Variants in SNTG2 observed in about 807,000 individuals in gnomAD.
SNTG2 encodes syntrophin gamma 2.
In SNTG2, 74 loss-of-function variants were observed where a neutral mutation model predicts 70.9. The ratio of observed to expected loss-of-function variants is 1.04; its 90% CI spans 0.86 to 1.27. SNTG2 has a LOEUF of 1.27. SNTG2 is among the 50% of genes most tolerant of loss of function. SNTG2 has a pLI of 0.00. For missense variants in SNTG2, 717 were observed against 690.7 expected (o/e 1.04, Z -0.43); for synonymous variants, 278 against 273.8 (o/e 1.02, Z -0.15).
intron 4 of SNTG2, among the ~76,000 whole-genome samples, chr2:1,135,445 C>T (rs1487413097): frequency 1.3e-5 from 2 of 152,176 alleles, no homozygotes; most frequent in Non-Finnish European, 2.9e-5. Flanking sequence ...CTCGGCCAGG[C>T]GTGGTGGCTC....
chr2:979,245 T>C (rs1004891179), intron 1 of SNTG2, among the ~76,000 whole-genome samples: 4 of 152,212 alleles, frequency 2.6e-5, no homozygotes, highest in African/African-American at 7.2e-5. Context: ...AATACATCTA[T>C]AGTGGCTGCT....
chr2:1,240,286 A>G (rs1019239872), intron 11 of SNTG2, among the ~76,000 whole-genome samples: 4 of 152,162 alleles, frequency 2.6e-5, no homozygotes, highest in Admixed American at 6.5e-5. Flanking sequence ...CAGAGCCCTT[A>G]ACGTTGTCCT....
At chr2:1,219,771 G>A (rs930495338) in intron 9 of SNTG2, 4 of 152,076 alleles carry the variant, frequency 2.6e-5, no homozygotes, top group African/African-American at 9.7e-5. Context: ...AAGGGAGGAA[G>A]AGAGAAAACC....
chr2:1,278,364 G>C (rs888892330), intron 14 of SNTG2, among the ~76,000 whole-genome samples: 1 of 152,066 alleles, frequency 6.6e-6, no homozygotes, highest in African/African-American at 2.4e-5. Flanking sequence ...GTTGTTATCT[G>C]ACCATATCAG....
intron 1 of SNTG2, among the ~76,000 whole-genome samples, chr2:1,030,494 G>T (rs1660754958): frequency 6.6e-6 from 1 of 152,122 alleles, no homozygotes; most frequent in Non-Finnish European, 1.5e-5. Flanking sequence ...CACATGTGCA[G>T]CTGTGATTAA....
chr2:1,100,716 TC>T (rs1357337637), intron 4 of SNTG2, among the ~76,000 whole-genome samples: 1 of 152,174 alleles, frequency 6.6e-6, no homozygotes, highest in Non-Finnish European at 1.5e-5. Context: ...GCAGCTCTGT[TC>T]CTGTCCTCTT....
intron 1 of SNTG2, among the ~76,000 whole-genome samples, chr2:1,014,926 G>A (rs1394762023): frequency 6.6e-6 from 1 of 152,096 alleles, no homozygotes; most frequent in Non-Finnish European, 1.5e-5. Flanking sequence ...GAACTGGCTA[G>A]AACCCGAGGG....
rs28528355 is a variant in SNTG2 at position 1,226,602 on chromosome 2, C to T, written c.720-11286C>T. ...ACACCAAGGCTCACACCGAGAGAAACGTGGGACCCAGCTTGTGAAGGACAC... is the reference window on the plus strand; with the variant it reads ...ACACCAAGGCTCACACCGAGAGAAATGTGGGACCCAGCTTGTGAAGGACAC... On this transcript the variant is annotated intron_variant, in intron 9 of 16. Coordinates refer to ENST00000308624, the MANE Select transcript of SNTG2 (RefSeq NM_018968.4). Among the ~76,000 whole-genome samples, 1,411 of 152,178 alleles carry T rather than the reference C, an allele frequency of 9.3e-3. 17 individuals are homozygous for T. The highest frequency in any genetic ancestry group is 0.031 in the African/African-American group (1,299 of 41,500).
chr2:1,091,563 C>T lies in SNTG2; in HGVS notation c.211-6633C>T, dbSNP rs145848024. The stretch of plus-strand genomic sequence containing the variant: ...CCCAGAGACCCCAGTGCACTGTCCC[C>T]GCATCAGGTTAGGGCTACGGGGCCG... On this transcript the variant is annotated intron_variant, in intron 2 of 16. Transcript: ENST00000308624. Among the ~76,000 whole-genome samples the T allele has an allele frequency of 1.4e-3, 220 of 152,236 alleles. 2 individuals carry two copies. Among genetic ancestry groups the T allele is most frequent in the African/African-American group, 5.0e-3 (209 of 41,544 alleles).
intron 15 of SNTG2, 95 bp downstream of exon 15, chr2:1,308,681 C>T: frequency 9.7e-7 from 1 of 1,029,996 alleles, no homozygotes; most frequent in Non-Finnish European, 1.5e-6. Flanking sequence ...GTAGAAGCCA[C>T]CAACCTTGCT....
intron 1 of SNTG2, among the ~76,000 whole-genome samples, chr2:1,037,269 G>A (rs1661184302): frequency 6.6e-6 from 1 of 152,178 alleles, no homozygotes; most frequent in South Asian, 2.1e-4. Context: ...AGGCAGTGGG[G>A]GCTAACACCC....
chr2:988,200 C>T (rs1439752866), intron 1 of SNTG2, among the ~76,000 whole-genome samples: 5 of 152,168 alleles, frequency 3.3e-5, no homozygotes, highest in East Asian at 3.9e-4. Context: ...CATGGGGGAC[C>T]GAGGCGTGGA....
intron 1 of SNTG2, among the ~76,000 whole-genome samples, chr2:951,496 T>G (rs933931825): frequency 6.6e-6 from 1 of 152,178 alleles, no homozygotes; most frequent in Admixed American, 6.5e-5. Flanking sequence ...AGGCCAGGTC[T>G]GAGTTGGCCA....
At chr2:1,180,750 T>C (rs1223300470) in intron 8 of SNTG2, among the ~76,000 whole-genome samples, 2 of 151,616 alleles carry the variant, frequency 1.3e-5, no homozygotes, top group Admixed American at 6.6e-5. Context: ...ATCATGCTGC[T>C]ATAAAGACAC....
At chr2:967,122 A>G (rs999724040) in intron 1 of SNTG2, among the ~76,000 whole-genome samples, 3 of 152,178 alleles carry the variant, frequency 2.0e-5, no homozygotes, top group Non-Finnish European at 2.9e-5. Flanking sequence ...ATGAGAAAAT[A>G]TGCGCCCTGT....
chr2:1,308,859 A>G (rs1680837832), intron 15 of SNTG2, among the ~76,000 whole-genome samples: 1 of 152,132 alleles, frequency 6.6e-6, no homozygotes, highest in African/African-American at 2.4e-5. Flanking sequence ...GGGACCCACA[A>G]CACTTGAGTA....
chr2:1,042,137 C>A (rs1661475086), intron 1 of SNTG2, among the ~76,000 whole-genome samples: 1 of 152,182 alleles, frequency 6.6e-6, no homozygotes, highest in African/African-American at 2.4e-5. Context: ...CATATTAGAA[C>A]TAACGACAGA....
chr2:1,337,625 C>G (rs1017769993), intron 16 of SNTG2, among the ~76,000 whole-genome samples: 3 of 152,138 alleles, frequency 2.0e-5, no homozygotes, highest in Non-Finnish European at 4.4e-5. Context: ...GATGTCTTCT[C>G]TCATTCTGGG....
intron 6 of SNTG2, among the ~76,000 whole-genome samples, chr2:1,140,084 C>G (rs899839475): frequency 6.6e-6 from 1 of 152,140 alleles, no homozygotes; most frequent in Non-Finnish European, 1.5e-5. Flanking sequence ...TTCACTTCCT[C>G]ATTTTTCAGA....
Sources: gnomAD v4.1 joint callset for allele counts (sites outside exome capture counted in the v4.1 genomes callset) on GRCh38, gnomAD v4.1.1 for gene constraint, MANE v1.5 for transcripts, NCBI Gene and HGNC (gene_info 2026-07-23, HGNC 2026-07-21) for gene names.